The following DNAH3 variants were observed in gnomAD, a reference collection of about 807,000 sequenced individuals.
DNAH3 encodes the protein axonemal beta dynein heavy chain 3.
DNAH3 carries 332 observed loss-of-function variants against 432.5 expected under a neutral mutation model. The observed-to-expected ratio is 0.77, with a 90% CI of 0.70 to 0.84. DNAH3 has a LOEUF of 0.84. Among genes scored for constraint, DNAH3 ranks in the 40% least tolerant of loss-of-function variants. DNAH3 has a pLI of 0.00. For synonymous variants in DNAH3, 1,956 were observed against 1,900.2 expected, an observed-to-expected ratio of 1.03 and a Z score of -0.76; for missense variants, 4,861 against 5,114.0, an observed-to-expected ratio of 0.95 and a Z score of 1.51.
At chr16:21,091,756 T>C (rs1301628411) in intron 18 of DNAH3, among the ~76,000 whole-genome samples, 1 of 151,716 alleles carries the variant, frequency 6.6e-6, no homozygotes, top group African/African-American at 2.4e-5. Context: ...GTGGAGGTTG[T>C]AGTGAGCCAA....
At chr16:21,092,959 A>C (rs1483460197) in intron 18 of DNAH3, among the ~76,000 whole-genome samples, 2 of 152,158 alleles carry the variant, frequency 1.3e-5, no homozygotes, top group Non-Finnish European at 2.9e-5. Flanking sequence ...CTGTAATCCC[A>C]ACACTTTGGG....
chr16:21,105,941 G>C (rs1388585067), intron 15 of DNAH3, among the ~76,000 whole-genome samples: 1 of 151,828 alleles, frequency 6.6e-6, no homozygotes, highest in East Asian at 1.9e-4. Flanking sequence ...CCAGCACTTG[G>C]GAGGCTGAGG....
rs555059852 is a variant in DNAH3, at chr16:21,153,668, C to T, written c.117+5657G>A. 9.9e-5 allele frequency among the ~76,000 whole-genome samples: 15 copies of T among 152,242 alleles called. 1 individual carries two copies. Among genetic ancestry groups the T allele is most frequent in the Middle Eastern group, 3.4e-3 (1 of 294 alleles). ...GTCTGCAGCTTCACTCCTGCGCCAG[C>T]GAGACCAGAAACCCACCAGAAGGAA... On this transcript the variant is annotated intron_variant, in intron 1 of 61. Transcript: ENST00000261383.
At chr16:21,069,529 G>C in exon 23 of DNAH3, 1 of 1,613,770 alleles carries the variant, frequency 6.2e-7, no homozygotes, top group African/African-American at 1.3e-5. Flanking sequence ...GGTACAGCCA[G>C]GTGGCTTGGC....
chr16:20,978,522 G>GT (rs2085702694), intron 50 of DNAH3, among the ~76,000 whole-genome samples: 1 of 152,018 alleles, frequency 6.6e-6, no homozygotes, highest in African/African-American at 2.4e-5. Context: ...GAGAGATTGC[G>GT]TCTCGAAAGA....
At chr16:21,036,327 A>AAAAC (rs752666325) in intron 35 of DNAH3, among the ~76,000 whole-genome samples, 95 of 152,276 alleles carry the variant, frequency 6.2e-4, no homozygotes, top group African/African-American at 1.3e-3. Flanking sequence ...CTGCATCTCA[A>AAAAC]AAACAAACAA....
intron 56 of DNAH3, among the ~76,000 whole-genome samples, chr16:20,951,738 A>AT (rs869256566): frequency 0.066 from 4,848 of 73,436 alleles, 543 homozygotes; most frequent in African/African-American, 0.2. Context: ...CCTGGCCCGT[A>AT]TTTTTTTTTT....
intron 25 of DNAH3, 90 bp from the exon 26 acceptor site, chr16:21,060,446 G>A (rs1052784636): frequency 3.1e-5 from 28 of 907,924 alleles, no homozygotes; most frequent in African/African-American, 4.9e-5. Context: ...CTCTGGACAC[G>A]GCTGGAGGGA....
At chr16:21,122,656 G>A (rs964708513) in intron 9 of DNAH3, among the ~76,000 whole-genome samples, 2 of 152,040 alleles carry the variant, frequency 1.3e-5, no homozygotes, top group Non-Finnish European at 2.9e-5. Context: ...TTGTTTATGC[G>A]GCTTGGTAAT....
Position 21,111,717 on chromosome 16 carries a change from C to T in DNAH3, c.2008G>A (p.Ala670Thr), listed in dbSNP as rs754475444. 1.3e-5 allele frequency: 21 copies of T among 1,613,864 alleles called. No individual in the cohort carries two copies. The East Asian group carries it at 3.3e-4, about 26-fold the overall frequency. Residue 670 changes from alanine to threonine, a missense_variant, in exon 14 of 62, where the codon GCC becomes ACC. Ala to Thr is a moderately conservative substitution (Grantham distance 58). Coordinates refer to ENST00000261383, the Ensembl canonical transcript of DNAH3. The stretch of plus-strand genomic sequence containing the variant: ...CGCTCACAGAGATCATGATTTAGGG[C>T]CGTAGCATCAAGGCAGAACATGGCT...
intron 44 of DNAH3, 22 bp from the exon 45 acceptor site, chr16:20,988,087 T>G: frequency 6.2e-7 from 1 of 1,612,812 alleles, no homozygotes; most frequent in South Asian, 1.1e-5. Context: ...AACACACAAG[T>G]GAATCATCCT....
intron 16 of DNAH3, among the ~76,000 whole-genome samples, chr16:21,103,240 C>G (rs759322786): frequency 4.5e-4 from 68 of 150,940 alleles, no homozygotes; most frequent in Middle Eastern, 3.4e-3. Context: ...GATGGGTGCA[C>G]CAAAATCTCA....
intron 18 of DNAH3, among the ~76,000 whole-genome samples, chr16:21,090,803 G>A (rs1394525162): frequency 1.3e-5 from 2 of 152,144 alleles, no homozygotes; most frequent in East Asian, 1.9e-4. Flanking sequence ...CAGTTATACT[G>A]GAGAAATAAA....
intron 19 of DNAH3, among the ~76,000 whole-genome samples, chr16:21,084,570 C>T (rs983061767): frequency 6.6e-6 from 1 of 152,112 alleles, no homozygotes; most frequent in African/African-American, 2.4e-5. Flanking sequence ...GATCCACTTG[C>T]CTCGGCCTCT....
At chr16:21,051,684 G>A (rs370947558) in exon 29 of DNAH3, 29 of 1,613,032 alleles carry the variant, frequency 1.8e-5, no homozygotes, top group African/African-American at 1.1e-4. Context: ...AGCAGCGGTC[G>A]GTGAGGGGTG....
exon 54 of DNAH3, chr16:20,959,332 T>C: frequency 4.3e-6 from 7 of 1,614,134 alleles, no homozygotes; most frequent in Non-Finnish European, 5.9e-6. Flanking sequence ...AATAGGGCCT[T>C]GGCCTTGGCC....
exon 54 of DNAH3, chr16:20,959,283 G>A: frequency 6.2e-7 from 1 of 1,614,170 alleles, no homozygotes; most frequent in South Asian, 1.1e-5. Flanking sequence ...AGACCACCCA[G>A]GTCCCGTCTT....
chr16:21,031,173 C>A, exon 37 of DNAH3: 1 of 1,614,136 alleles, frequency 6.2e-7, no homozygotes, highest in Non-Finnish European at 8.5e-7. Flanking sequence ...TTGGCAAGGA[C>A]ACCATCCATC....
intron 33 of DNAH3, among the ~76,000 whole-genome samples, chr16:21,038,409 C>T (rs1446756746): frequency 6.6e-6 from 1 of 152,022 alleles, no homozygotes; most frequent in African/African-American, 2.4e-5. Context: ...CCCAGCTACT[C>T]GGAAGGCTAA....
Sources: allele counts gnomAD v4.1 joint callset (sites outside exome capture counted in the v4.1 genomes callset), GRCh38; gene constraint gnomAD v4.1.1; transcripts MANE v1.5; gene names NCBI Gene and HGNC (gene_info 2026-07-23, HGNC 2026-07-21).